DERA: variants seen among roughly 807,000 people sequenced by gnomAD.
The protein encoded by DERA is deoxyribose-phosphate aldolase.
Under a neutral mutation model 41.1 loss-of-function variants are expected in DERA, and 15 were observed. The observed-to-expected ratio is 0.37, with a 90% CI of 0.24 to 0.56. DERA has a LOEUF of 0.56. DERA is among the 20% of genes least tolerant of loss of function. The pLI, the probability that DERA is intolerant of heterozygous loss-of-function variation, is 0.81. For missense variants in DERA, 396 were observed against 403.4 expected (o/e 0.98, Z 0.16); for synonymous variants, 139 against 137.4 (o/e 1.01, Z -0.08).
Position 15,990,983 on chromosome 12 carries a change from T to C in DERA, c.637+8547T>C, listed in dbSNP as rs985914936. Among the ~76,000 whole-genome samples, 23 of 152,182 alleles carry C rather than the reference T, an allele frequency of 1.5e-4. No homozygotes were observed. Among genetic ancestry groups the C allele is most frequent in the Non-Finnish European group, 3.1e-4 (21 of 68,010 alleles). Reference sequence around the variant, plus strand: ...TTTGGGTGTATACACAGTAATGGGATTCCTGGGTCGAAAGGTATTTCTGTC... The same window carrying C: ...TTTGGGTGTATACACAGTAATGGGACTCCTGGGTCGAAAGGTATTTCTGTC... On this transcript the variant is annotated intron_variant, in intron 6 of 8. Coordinates refer to ENST00000428559, the MANE Select transcript of DERA (RefSeq NM_015954.4). This position sits in a 1 kb window ranked among gnomAD's most constrained non-coding sequence, Gnocchi z 4.3.
At chr12:15,978,287 G>C (rs1948712019) in intron 5 of DERA, among the ~76,000 whole-genome samples, 1 of 152,112 alleles carries the variant, frequency 6.6e-6, no homozygotes, top group East Asian at 1.9e-4. Context: ...GGAGTGAAGT[G>C]GTCTATTTTT....
At chr12:16,034,274 T>A (rs187127060) in intron 7 of DERA, among the ~76,000 whole-genome samples, 2 of 152,310 alleles carry the variant, frequency 1.3e-5, no homozygotes, top group East Asian at 3.9e-4. Context: ...CTGTGTTAAA[T>A]GCTAGGAATG....
intron 1 of DERA, among the ~76,000 whole-genome samples, chr12:15,944,201 G>A (rs1175647710): frequency 6.6e-6 from 1 of 152,090 alleles, no homozygotes; most frequent in Non-Finnish European, 1.5e-5. Context: ...ATGTGCATGT[G>A]TCTTTATAGC....
chr12:15,969,499 C>A (rs761057074), intron 5 of DERA, among the ~76,000 whole-genome samples: 90 of 152,250 alleles, frequency 5.9e-4, no homozygotes, highest in Admixed American at 1.4e-3. Flanking sequence ...GTTCAATGGG[C>A]AATTGGAAGT....
chr12:15,985,353 G>C lies in DERA; in HGVS notation c.637+2917G>C, dbSNP rs1948757214. Reference sequence around the variant, plus strand: ...TTTCACTGTGTAAGTATACTGAGTTGCTAAAATTGTTGGCATAATGTTGTT... The same window carrying C: ...TTTCACTGTGTAAGTATACTGAGTTCCTAAAATTGTTGGCATAATGTTGTT... On this transcript the variant is annotated intron_variant, in intron 6 of 8. Transcript: ENST00000428559. The surrounding 1 kb of genome is among the most constrained non-coding windows in gnomAD (Gnocchi z 4.2). 1 of 152,138 alleles carries C rather than the reference G, an allele frequency of 6.6e-6. No individual in the cohort carries two copies. Among genetic ancestry groups the C allele is most frequent in the Non-Finnish European group, 1.5e-5 (1 of 68,016 alleles). 9.4% of individuals were successfully genotyped at this position (152,138 alleles called of 1,614,324 possible).
intron 6 of DERA, among the ~76,000 whole-genome samples, chr12:16,007,052 T>C (rs2136176761): frequency 6.6e-6 from 1 of 152,348 alleles, no homozygotes; most frequent in East Asian, 1.9e-4. Flanking sequence ...GATAAGTGTA[T>C]TAGAGAAAAT....
At chr12:16,032,121 AT>A (rs1949096663) in intron 6 of DERA, among the ~76,000 whole-genome samples, 1 of 152,230 alleles carries the variant, frequency 6.6e-6, no homozygotes, top group Non-Finnish European at 1.5e-5. Context: ...TCACAACTGT[AT>A]ACTGTGTACT....
At chr12:15,956,630 C>T (rs992746619) in intron 1 of DERA, 62 of 422,974 alleles carry the variant, frequency 1.5e-4, no homozygotes, top group South Asian at 9.1e-4. Flanking sequence ...TTTCCCACGT[C>T]GTTAGACATG....
chr12:15,988,144 C>T lies in DERA; in HGVS notation c.637+5708C>T, dbSNP rs1592036721. ...AGAGGGTGTTACAGCATGTCACAGG[C>T]CTAGCTGGGGGAGCCCTGAGTTCTG... On this transcript the variant is annotated intron_variant, in intron 6 of 8. Transcript: ENST00000428559. This position sits in a 1 kb window ranked among gnomAD's most constrained non-coding sequence, Gnocchi z 6.0. Among the ~76,000 whole-genome samples the T allele has an allele frequency of 1.3e-5, 2 of 152,186 alleles. No homozygotes were observed. The highest frequency in any genetic ancestry group is 4.1e-4 in the South Asian group (2 of 4,834).
chr12:15,958,581 A>G (rs1948559447), intron 3 of DERA, among the ~76,000 whole-genome samples: 2 of 145,796 alleles, frequency 1.4e-5, no homozygotes, highest in South Asian at 2.2e-4. Context: ...GTAGAGAGTG[A>G]CTTTATTTCT....
At position 15,993,705 on chromosome 12, in the gene DERA, T is replaced by C. The variant is rs988563772; in HGVS notation, c.637+11269T>C. Reference sequence around the variant, plus strand: ...ATAGGGTGAAAACTAATTAACTTGCTGTCTCATCCATGGAATAGATTTAAA... The same window carrying C: ...ATAGGGTGAAAACTAATTAACTTGCCGTCTCATCCATGGAATAGATTTAAA... On this transcript the variant is annotated intron_variant, in intron 6 of 8. Transcript: ENST00000428559. This position sits in a 1 kb window ranked among gnomAD's most constrained non-coding sequence, Gnocchi z 4.4. Among the ~76,000 whole-genome samples the C allele has an allele frequency of 6.6e-6, 1 of 152,188 alleles. No homozygotes were observed. Among genetic ancestry groups the C allele is most frequent in the Non-Finnish European group, 1.5e-5 (1 of 68,030 alleles).
rs1024965675 is a variant in DERA, at chr12:15,922,157, C to G, written c.31+10743C>G. Among the ~76,000 whole-genome samples the G allele has an allele frequency of 2.0e-5, 3 of 152,132 alleles. No homozygotes were observed. Among genetic ancestry groups the G allele is most frequent in the African/African-American group, 7.2e-5 (3 of 41,410 alleles). On this transcript the variant is annotated intron_variant, in intron 1 of 8. Coordinates refer to ENST00000428559, the MANE Select transcript of DERA (RefSeq NM_015954.4). The surrounding 1 kb of genome is among the most constrained non-coding windows in gnomAD (Gnocchi z 4.9). ...AGCAATAGAACTTAGGAGCCCTGCCCTTGAGAAGCTTACCTTCATCAAATT... is the reference window on the plus strand; with the variant it reads ...AGCAATAGAACTTAGGAGCCCTGCCGTTGAGAAGCTTACCTTCATCAAATT...
rs1229116500 is a variant in DERA at position 16,009,980 on chromosome 12, T to C, written c.638-22562T>C. Among the ~76,000 whole-genome samples, 1 of 152,182 alleles carries C rather than the reference T, an allele frequency of 6.6e-6. No homozygotes were observed. The highest frequency in any genetic ancestry group is 1.5e-5 in the Non-Finnish European group (1 of 68,036). On this transcript the variant is annotated intron_variant, in intron 6 of 8. Transcript: ENST00000428559. This position sits in a 1 kb window ranked among gnomAD's most constrained non-coding sequence, Gnocchi z 5.3. Reference sequence around the variant, plus strand: ...GGCCTTTAAATCAGACCTATTAGTTTTGTAATAGGAAGTTCTGTGAGAGAC... The same window carrying C: ...GGCCTTTAAATCAGACCTATTAGTTCTGTAATAGGAAGTTCTGTGAGAGAC...
intron 4 of DERA, 172 bp from the exon 5 acceptor site, chr12:15,962,641 G>A (rs1948595477): frequency 7.7e-6 from 4 of 518,630 alleles, no homozygotes; most frequent in Admixed American, 3.5e-5. Flanking sequence ...TTATGCATAA[G>A]TGATGTTCTT....
chr12:15,947,969 T>C (rs1405229515), intron 1 of DERA, among the ~76,000 whole-genome samples: 1 of 152,224 alleles, frequency 6.6e-6, no homozygotes, highest in Admixed American at 6.5e-5. Context: ...GGAAGCTTAG[T>C]TTGGCTGGTT....
Position 15,940,432 on chromosome 12 carries a change from A to G in DERA, c.32-16504A>G, listed in dbSNP as rs933479666. ...AGTGGCATGATCTTGGCTCACTGCA[A>G]CCTCCACCTCCCGGGTTCAAACGAT... On this transcript the variant is annotated intron_variant, in intron 1 of 8. Coordinates refer to ENST00000428559, the MANE Select transcript of DERA (RefSeq NM_015954.4). The surrounding 1 kb of genome is among the most constrained non-coding windows in gnomAD (Gnocchi z 5.1). Among the ~76,000 whole-genome samples the G allele has an allele frequency of 6.6e-6, 1 of 151,948 alleles. No homozygotes were observed. The highest frequency in any genetic ancestry group is 1.5e-5 in the Non-Finnish European group (1 of 67,990).
At chr12:16,034,205 C>G (rs1949112083) in intron 7 of DERA, among the ~76,000 whole-genome samples, 1 of 152,182 alleles carries the variant, frequency 6.6e-6, no homozygotes, top group East Asian at 1.9e-4. Flanking sequence ...ATTGGGGACC[C>G]AGTCCTGTTT....
chr12:15,918,408 C>G lies in DERA; in HGVS notation c.31+6994C>G, dbSNP rs1008150336. On this transcript the variant is annotated intron_variant, in intron 1 of 8. Transcript: ENST00000428559. This position sits in a 1 kb window ranked among gnomAD's most constrained non-coding sequence, Gnocchi z 4.3. ...TGTTCTGATTGGACTCTGGGCTACC[C>G]CATTCTGTTTGGCCCACTCTGGGCC... is the stretch of plus-strand genomic sequence containing the variant. Among the ~76,000 whole-genome samples, 4 of 152,156 alleles carry G rather than the reference C, an allele frequency of 2.6e-5. No homozygotes were observed. Among genetic ancestry groups the G allele is most frequent in the Non-Finnish European group, 5.9e-5 (4 of 68,032 alleles).
intron 5 of DERA, among the ~76,000 whole-genome samples, chr12:15,974,788 G>A (rs963506842): frequency 6.6e-6 from 1 of 151,978 alleles, no homozygotes; most frequent in Non-Finnish European, 1.5e-5. Context: ...TTCTAATTCT[G>A]TCATTTCTTC....
Sources: allele counts gnomAD v4.1 joint callset (sites outside exome capture counted in the v4.1 genomes callset), GRCh38; gene constraint gnomAD v4.1.1; non-coding constraint Gnocchi (gnomAD v3.1); transcripts MANE v1.5; gene names NCBI Gene and HGNC (gene_info 2026-07-23, HGNC 2026-07-21).